Variants in ANKDD1A observed in about 807,000 individuals in gnomAD.
ANKDD1A encodes the protein ankyrin repeat and death domain-containing protein 1A.
In ANKDD1A, 59 loss-of-function variants were observed where a neutral mutation model predicts 63.5. The observed-to-expected ratio is 0.93, with a 90% CI of 0.75 to 1.15. The LOEUF (loss-of-function observed/expected upper bound fraction) is 1.15, where lower values mean the gene tolerates loss of function less well. ANKDD1A is among the 50% of genes most tolerant of loss of function. The pLI, the probability that ANKDD1A is intolerant of heterozygous loss-of-function variation, is 0.00. For missense variants in ANKDD1A, 632 were observed against 656.4 expected (o/e 0.96, Z 0.41); for synonymous variants, 266 against 263.9 (o/e 1.01, Z -0.08).
rs755449435 is a variant in ANKDD1A at position 64,921,997 on chromosome 15, C to CT, written c.344_345insT (p.Lys116GlnfsTer5). 1.9e-6 allele frequency: 3 copies of CT among 1,614,200 alleles called. No homozygotes were observed. The East Asian group carries it at 6.7e-5, about 36-fold the overall frequency. On this transcript the variant is annotated frameshift_variant, in exon 4 of 15. Coordinates refer to ENST00000319580, the MANE Select transcript of ANKDD1A (RefSeq NM_182703.6). LOFTEE classifies it high-confidence loss of function. ...CTCCAGATCTTGGTAAACTCAGGGG[C>CT]CAAGATCCACTGTGAGAGCAAGGTA...
At chr15:64,938,761 G>A (rs2085156220) in intron 9 of ANKDD1A, among the ~76,000 whole-genome samples, 1 of 152,010 alleles carries the variant, frequency 6.6e-6, no homozygotes, top group South Asian at 2.1e-4. Flanking sequence ...AGACCAGCCT[G>A]GCCAACATGG....
chr15:64,947,743 C>T, intron 13 of ANKDD1A, 150 bp downstream of exon 13: 2 of 913,976 alleles, frequency 2.2e-6, no homozygotes, highest in Middle Eastern at 3.4e-4. Flanking sequence ...TGCTCTGTCC[C>T]TCCTCCAGGC....
intron 14 of ANKDD1A, among the ~76,000 whole-genome samples, chr15:64,953,538 C>CCTTCTTCCTTCTCCTTTT (rs1595860243): frequency 0.34 from 42,424 of 124,530 alleles, 7,909 homozygotes; most frequent in South Asian, 0.46. Flanking sequence ...CTTCTCCTCT[C>CCTTCTTCCTTCTCCTTTT]CTTCTTCCTT....
Position 64,915,819 on chromosome 15 carries a change from C to T in ANKDD1A, c.57C>T (p.Leu19=). 6.2e-7 allele frequency: 1 copy of T among 1,614,030 alleles called. No homozygotes were observed. Among genetic ancestry groups the T allele is most frequent in the African/African-American group, 1.3e-5 (1 of 75,032 alleles). The part of the protein sequence containing the change: ...TDGLLPLERQ[L]HEAARQNNVG... ...CAGTGCTTCCTCTGGAGAGGCAGCT[C>T]CACGAGGCCGCCCGCCAGAACAATG... is the stretch of plus-strand genomic sequence containing the variant. The change falls in exon 2 of 15, where the codon CTC becomes CTT. Residue 19 remains leucine (L), a synonymous_variant. Transcript: ENST00000319580.
intron 14 of ANKDD1A, among the ~76,000 whole-genome samples, chr15:64,954,392 T>C (rs1490260750): frequency 1.6e-5 from 2 of 121,550 alleles, no homozygotes; most frequent in South Asian, 5.7e-4. Flanking sequence ...TTCTTCTTCT[T>C]TCTTCTTCCT....
At chr15:64,944,805 G>C (rs1952564257) in intron 12 of ANKDD1A, 58 bp downstream of exon 12, 1 of 1,577,514 alleles carries the variant, frequency 6.3e-7, no homozygotes, top group Admixed American at 1.7e-5. Context: ...TTTGGCTCCA[G>C]ATGGAGCTGG....
chr15:64,941,588 G>T (rs1489161093), intron 9 of ANKDD1A, among the ~76,000 whole-genome samples: 1 of 152,130 alleles, frequency 6.6e-6, no homozygotes, highest in Non-Finnish European at 1.5e-5. Context: ...AACTAATAAT[G>T]TCAATAATGG....
chr15:64,954,788 TCTC>T (rs1176301377), intron 14 of ANKDD1A, among the ~76,000 whole-genome samples: 2 of 150,640 alleles, frequency 1.3e-5, no homozygotes, highest in Admixed American at 6.6e-5. Flanking sequence ...CCTTCTTCCT[TCTC>T]CTTAGTTGTT....
chr15:64,917,304 C>A, intron 2 of ANKDD1A, 82 bp from the exon 3 acceptor site: 1 of 1,476,586 alleles, frequency 6.8e-7, no homozygotes, highest in Non-Finnish European at 9.0e-7. Flanking sequence ...TGCAGACCAG[C>A]TGTCCTGGGG....
At chr15:64,931,414 C>T (rs1027000373) in intron 7 of ANKDD1A, 73 bp from the exon 8 acceptor site, 2 of 1,446,408 alleles carry the variant, frequency 1.4e-6, no homozygotes, top group African/African-American at 1.4e-5. Flanking sequence ...GGGGCATCCT[C>T]TCACCGTGGG....
rs1173063910 is a variant in ANKDD1A at position 64,930,782 on chromosome 15, C to T, written c.571-40C>T. 5 of 1,585,428 alleles carry T rather than the reference C, an allele frequency of 3.2e-6. No individual in the cohort carries two copies. The African/African-American group carries it at 5.4e-5, about 17-fold the overall frequency. On this transcript the variant is annotated intron_variant, in intron 6 of 14. Transcript: ENST00000319580. ...ATCACAGGTCTGTGATTCTGGGACT[C>T]TCTGGTCTGCTGGCCTCTCAGGAGC...
chr15:64,952,183 TCTA>T (rs767282640), intron 14 of ANKDD1A, among the ~76,000 whole-genome samples: 30 of 150,814 alleles, frequency 2.0e-4, no homozygotes, highest in Non-Finnish European at 2.7e-4. Context: ...CTTCTTTCCT[TCTA>T]CTTTTTCTTC....
chr15:64,925,839 G>T (rs1349795424), intron 4 of ANKDD1A, among the ~76,000 whole-genome samples: 1 of 152,156 alleles, frequency 6.6e-6, no homozygotes, highest in Admixed American at 6.5e-5. Flanking sequence ...GAGCTGAGGG[G>T]TGCTGGAGCT....
At chr15:64,952,790 T>C (rs1358617932) in intron 14 of ANKDD1A, among the ~76,000 whole-genome samples, 1 of 3,330 alleles carries the variant, frequency 3.0e-4, no homozygotes, top group Non-Finnish European at 4.0e-3. Flanking sequence ...TCCTTCTCCT[T>C]CTTCTTTTCT....
rs999059083 is a variant in ANKDD1A at position 64,931,031 on chromosome 15, A to G, written c.669+111A>G. The G allele has an allele frequency of 1.3e-5, 15 of 1,139,722 alleles. No homozygotes were observed. In the African/African-American group the frequency reaches 1.8e-4, roughly 14 times the overall value. The allele number at this position is 1,139,722 out of a possible 1,614,324, so 70.6% of individuals were successfully genotyped here. A position where few individuals can be genotyped will look rare whatever the true frequency, so the allele number is the denominator to read the frequency against. On this transcript the variant is annotated intron_variant, in intron 7 of 14. Transcript: ENST00000319580. The stretch of plus-strand genomic sequence containing the variant: ...CTAAAGCCAGAAGGCTGAGGGCATG[A>G]TCTCGAACTGAGAGCCCACCAGGGA...
At chr15:64,935,751 C>A (rs757128291) in intron 9 of ANKDD1A, among the ~76,000 whole-genome samples, 1 of 148,416 alleles carries the variant, frequency 6.7e-6, no homozygotes, top group Non-Finnish European at 1.5e-5. Flanking sequence ...GGCTGAAGCA[C>A]GAGAATCACT....
chr15:64,937,246 C>T (rs958499551), intron 9 of ANKDD1A, among the ~76,000 whole-genome samples: 2 of 152,116 alleles, frequency 1.3e-5, no homozygotes, highest in African/African-American at 2.4e-5. Context: ...AATACATGTG[C>T]CCTTTGACTC....
At chr15:64,944,504 G>T (rs908947503) in intron 11 of ANKDD1A, 148 bp from the exon 12 acceptor site, 39 of 629,882 alleles carry the variant, frequency 6.2e-5, no homozygotes, top group Non-Finnish European at 9.6e-5. Flanking sequence ...TCCCCTTCAT[G>T]CCCAGAAAAC....
intron 13 of ANKDD1A, among the ~76,000 whole-genome samples, chr15:64,948,895 G>C (rs569269275): frequency 2.6e-5 from 4 of 152,288 alleles, no homozygotes; most frequent in Admixed American, 2.0e-4. Context: ...ATTTGGGATA[G>C]AGCAGAGTTC....
Sources: gnomAD v4.1 joint callset for allele counts (sites outside exome capture counted in the v4.1 genomes callset) on GRCh38, gnomAD v4.1.1 for gene constraint, MANE v1.5 for transcripts, NCBI Gene and HGNC (gene_info 2026-07-23, HGNC 2026-07-21) for gene names.